The following GRIP1 variants were observed in gnomAD, a reference collection of about 807,000 sequenced individuals.
GRIP1 encodes the protein glutamate receptor interacting protein 1.
A neutral mutation model predicts 129.9 loss-of-function variants in GRIP1; 45 were observed. That is an observed-to-expected ratio of 0.35 (90% CI 0.27 to 0.44). GRIP1 has a LOEUF of 0.44. Among genes scored for constraint, GRIP1 ranks in the 20% least tolerant of loss-of-function variants. GRIP1 has a pLI of 1.00. For missense variants in GRIP1, 1,196 were observed against 1,396.8 expected (o/e 0.86, Z 2.29); for synonymous variants, 530 against 520.8 (o/e 1.02, Z -0.24).
At chr12:66,476,361 G>A (rs2059612146) in intron 7 of GRIP1, among the ~76,000 whole-genome samples, 1 of 152,156 alleles carries the variant, frequency 6.6e-6, no homozygotes, top group Non-Finnish European at 1.5e-5. Flanking sequence ...CTCTGAAATT[G>A]AAGCAATAAT....
chr12:67,010,685 C>T (rs2042692378), intron 1 of GRIP1, among the ~76,000 whole-genome samples: 1 of 152,092 alleles, frequency 6.6e-6, no homozygotes, highest in South Asian at 2.1e-4. Flanking sequence ...GTGTTCACTT[C>T]CTCATTGTAG....
rs550206658 is a variant in GRIP1, at chr12:66,756,114, T to C, written c.-420+47939A>G. ...AGCAGTGTTAAGTATATTTACATTG[T>C]TGGGCAACAGATCTCTAGAACTCCT... On this transcript the variant is annotated intron_variant, in intron 1 of 4. Transcript: ENST00000538373. 8.5e-5 allele frequency among the ~76,000 whole-genome samples: 13 copies of C among 152,316 alleles called. No homozygotes were observed. In the South Asian group the frequency reaches 2.3e-3, roughly 27 times the overall value.
intron 1 of GRIP1, among the ~76,000 whole-genome samples, chr12:66,929,500 C>T (rs1027998982): frequency 2.6e-5 from 4 of 152,208 alleles, no homozygotes; most frequent in African/African-American, 9.7e-5. Context: ...CTGTCTTGCT[C>T]ACTGTTCAAA....
At chr12:67,002,204 A>T (rs1442249785) in intron 1 of GRIP1, among the ~76,000 whole-genome samples, 1 of 152,240 alleles carries the variant, frequency 6.6e-6, no homozygotes, top group African/African-American at 2.4e-5. Flanking sequence ...ACTAATTTTT[A>T]TTCAAAAGAA....
At chr12:66,768,795 A>T (rs1343959143) in intron 1 of GRIP1, among the ~76,000 whole-genome samples, 2 of 152,210 alleles carry the variant, frequency 1.3e-5, no homozygotes, top group African/African-American at 2.4e-5. Flanking sequence ...GTGAAAAAAA[A>T]CTCAGGTAAC....
chr12:66,997,922 G>C (rs1296254626), intron 1 of GRIP1, among the ~76,000 whole-genome samples: 1 of 151,998 alleles, frequency 6.6e-6, no homozygotes, highest in Non-Finnish European at 1.5e-5. Flanking sequence ...ACCTGGAAAA[G>C]GGCTGTTGAT....
At chr12:66,832,120 C>A (rs2039530437) in intron 1 of GRIP1, among the ~76,000 whole-genome samples, 1 of 152,166 alleles carries the variant, frequency 6.6e-6, no homozygotes. Flanking sequence ...GACCTGTACA[C>A]CTTGCTACTA....
intron 1 of GRIP1, among the ~76,000 whole-genome samples, chr12:66,811,153 C>T (rs1005747149): frequency 2.6e-5 from 4 of 152,184 alleles, no homozygotes; most frequent in African/African-American, 9.7e-5. Context: ...CTTCAAAGGG[C>T]TCAGATAACT....
chr12:66,409,154 C>G (rs1260145533), intron 15 of GRIP1, among the ~76,000 whole-genome samples: 1 of 152,108 alleles, frequency 6.6e-6, no homozygotes, highest in Non-Finnish European at 1.5e-5. Context: ...GATTGTAGAG[C>G]CTTTGGTCCT....
intron 1 of GRIP1, among the ~76,000 whole-genome samples, chr12:66,605,666 C>T (rs1233953058): frequency 1.3e-5 from 2 of 152,176 alleles, no homozygotes; most frequent in Non-Finnish European, 2.9e-5. Flanking sequence ...AACTTTATAA[C>T]TTCGGTAACT....
At chr12:67,010,817 C>T (rs896098226) in intron 1 of GRIP1, among the ~76,000 whole-genome samples, 4 of 151,780 alleles carry the variant, frequency 2.6e-5, no homozygotes, top group African/African-American at 9.7e-5. Flanking sequence ...AACACTGTCT[C>T]CCCCCCAGCG....
chr12:66,681,130 T>C (rs1334852145), upstream of GRIP1, among the ~76,000 whole-genome samples: 1 of 152,166 alleles, frequency 6.6e-6, no homozygotes, highest in African/African-American at 2.4e-5. Flanking sequence ...CTTTGAATAC[T>C]GTGGCTGCCA....
At chr12:66,843,190 A>C (rs1404204180) in intron 1 of GRIP1, among the ~76,000 whole-genome samples, 3 of 152,140 alleles carry the variant, frequency 2.0e-5, no homozygotes, top group Non-Finnish European at 2.9e-5. Flanking sequence ...AGGATAAAGA[A>C]AACAATTCTA....
intron 23 of GRIP1, among the ~76,000 whole-genome samples, chr12:66,367,849 C>A (rs1015248767): frequency 6.6e-6 from 1 of 152,202 alleles, no homozygotes; most frequent in Non-Finnish European, 1.5e-5. Flanking sequence ...TTTTCTCCAT[C>A]CCCACACTGA....
At chr12:66,915,590 C>T (rs1400779103) in intron 1 of GRIP1, among the ~76,000 whole-genome samples, 1 of 152,206 alleles carries the variant, frequency 6.6e-6, no homozygotes, top group African/African-American at 2.4e-5. Context: ...TGTCATCAGC[C>T]ACTGCAAATT....
At chr12:66,754,594 G>C (rs1398434560) in intron 1 of GRIP1, among the ~76,000 whole-genome samples, 1 of 152,146 alleles carries the variant, frequency 6.6e-6, no homozygotes, top group East Asian at 1.9e-4. Context: ...GTCTGCTCAA[G>C]GTAGGGTCTC....
In GRIP1 at chr12:66,924,508, C is replaced by T. The variant is rs2041264356; in HGVS notation, c.58+144542G>A. ...ACATTCTCTGAATTCCTGTTGTCTT[C>T]TCTGGGCATAGCAACATATTATAGT... On this transcript the variant is annotated intron_variant, in intron 1 of 1. Transcript: ENST00000643019. Among the ~76,000 whole-genome samples, 3 of 152,180 alleles carry T rather than the reference C, an allele frequency of 2.0e-5. No homozygotes were observed. The South Asian group carries it at 6.2e-4, about 31-fold the overall frequency.
intron 1 of GRIP1, among the ~76,000 whole-genome samples, chr12:66,877,182 G>T (rs1036499943): frequency 6.6e-6 from 1 of 151,974 alleles, no homozygotes; most frequent in Admixed American, 6.6e-5. Context: ...ATTTGAGGCT[G>T]CCCCATTCAT....
intron 1 of GRIP1, among the ~76,000 whole-genome samples, chr12:66,763,958 CA>C (rs1237263148): frequency 2.6e-5 from 4 of 152,176 alleles, no homozygotes; most frequent in African/African-American, 9.7e-5. Context: ...CATTGCCTAA[CA>C]AGGCAAATGC....
Sources: gnomAD v4.1 joint callset for allele counts (sites outside exome capture counted in the v4.1 genomes callset) on GRCh38, gnomAD v4.1.1 for gene constraint, MANE v1.5 for transcripts, NCBI Gene and HGNC (gene_info 2026-07-23, HGNC 2026-07-21) for gene names.